The following EGF variants were observed in gnomAD, a reference collection of about 807,000 sequenced individuals.
EGF encodes epidermal growth factor.
Under a neutral mutation model 143.8 loss-of-function variants are expected in EGF, and 95 were observed. The observed-to-expected ratio is 0.66, with a 90% CI of 0.56 to 0.78. The LOEUF (loss-of-function observed/expected upper bound fraction) is 0.78, where lower values mean the gene tolerates loss of function less well. Ranked by LOEUF, EGF falls within the 30% of genes least tolerant of loss-of-function variation. The probability of loss-of-function intolerance (pLI) is 0.00; values close to 1 mark genes in which losing one functional copy is unlikely to be tolerated. For synonymous variants in EGF, 510 were observed against 510.5 expected (o/e 1.00, Z 0.01); for missense variants, 1,320 against 1,470.9 (o/e 0.90, Z 1.68).
intron 1 of EGF, among the ~76,000 whole-genome samples, chr4:109,930,313 A>G (rs772049668): frequency 6.6e-6 from 1 of 151,966 alleles, no homozygotes. Flanking sequence ...ACTTCATAAA[A>G]CCCAAGCTGT....
intron 1 of EGF, among the ~76,000 whole-genome samples, chr4:109,913,721 A>G (rs1315308859): frequency 6.6e-6 from 1 of 152,238 alleles, no homozygotes; most frequent in Non-Finnish European, 1.5e-5. Context: ...AACTAGCAGA[A>G]CATTTCATGG....
intron 4 of EGF, among the ~76,000 whole-genome samples, chr4:109,944,780 A>G (rs1238746244): frequency 6.6e-6 from 1 of 152,234 alleles, no homozygotes; most frequent in Non-Finnish European, 1.5e-5. Flanking sequence ...TGATGTCACT[A>G]GAAACCCACT....
chr4:109,924,194 G>A (rs1738256564), intron 1 of EGF, among the ~76,000 whole-genome samples: 5 of 151,622 alleles, frequency 3.3e-5, no homozygotes. Context: ...CTAGACAGAT[G>A]AAGTAGCTTC....
At chr4:110,005,036 C>CTTTTTTTTTTTTTTTTTTTTTTTTTTTTT (rs538062029) in intron 22 of EGF, among the ~76,000 whole-genome samples, 3 of 80,742 alleles carry the variant, frequency 3.7e-5, no homozygotes, top group Admixed American at 1.7e-4. Flanking sequence ...TTTTCTCTGT[C>CTTTTTTTTTTTTTTTTTTTTTTTTTTTTT]TTTTTTTTTT....
At chr4:109,988,537 T>C (rs1400113729) in intron 17 of EGF, 47 bp from the exon 18 acceptor site, 60 of 1,613,038 alleles carry the variant, frequency 3.7e-5, no homozygotes, top group Middle Eastern at 1.6e-4. Context: ...GTCCCATTTA[T>C]ATCAGGATTG....
chr4:109,927,341 A>G (rs1738852005), intron 1 of EGF, among the ~76,000 whole-genome samples: 1 of 152,212 alleles, frequency 6.6e-6, no homozygotes, highest in Non-Finnish European at 1.5e-5. Context: ...GTAAATGCAA[A>G]CTAATCAGAA....
chr4:109,926,582 C>A (rs566208204), intron 1 of EGF, among the ~76,000 whole-genome samples: 21 of 152,228 alleles, frequency 1.4e-4, no homozygotes, highest in African/African-American at 5.1e-4. Context: ...TGGTCTCGAT[C>A]TCCTGACCTC....
intron 5 of EGF, 169 bp from the exon 6 acceptor site, chr4:109,959,143 G>T (rs1363043080): frequency 1.9e-5 from 18 of 969,872 alleles, no homozygotes; most frequent in Non-Finnish European, 2.7e-5. Flanking sequence ...GGAGAAAAAA[G>T]TGGGCTTCGG....
chr4:110,009,838 A>G (rs957721727), intron 23 of EGF, among the ~76,000 whole-genome samples: 15 of 152,186 alleles, frequency 9.9e-5, no homozygotes, highest in African/African-American at 3.6e-4. Context: ...CCATAAAACC[A>G]TCTTCACTGA....
Position 109,976,062 on chromosome 4 carries a change from C to G in EGF, c.1880C>G (p.Ser627Cys), listed in dbSNP as rs1748445726. ...ATTAATCCACGAATTGAAAGTTCTT[C>G]CCTCCAAGGCCTTGGCCGTCTGGTT... The part of the protein sequence containing the change: ...TGINPRIESS[S>C]LQGLGRLVIA... Residue 627 changes from serine (S) to cysteine (C), a missense_variant, in exon 13 of 24, where the codon TCC becomes TGC. Ser to Cys is a moderately radical substitution (Grantham distance 112, BLOSUM62 -1). This residue lies in a region of EGF where 1,186 missense variants were observed against 1,313.7 expected (regional missense o/e 0.90). Coordinates refer to ENST00000265171, the MANE Select transcript of EGF (RefSeq NM_001963.6). 1 of 1,614,010 alleles carries G rather than the reference C, an allele frequency of 6.2e-7. No individual in the cohort carries two copies. The highest frequency in any genetic ancestry group is 8.5e-7 in the Non-Finnish European group (1 of 1,179,876).
chr4:109,941,153 A>G lies in EGF; in HGVS notation c.327+8A>G, dbSNP rs781769211. 1.2e-6 allele frequency: 2 copies of G among 1,612,790 alleles called. No individual in the cohort carries two copies. Among genetic ancestry groups the G allele is most frequent in the South Asian group, 1.1e-5 (1 of 91,016 alleles). On this transcript the variant is annotated splice_region_variant and intron_variant, in intron 2 of 23. Transcript: ENST00000265171. ...AATGGGTCAAGGCAAGAGGTAAAATACCCTTACCTACAGTGTTTGAGCTGT... is the reference window on the plus strand; with the variant it reads ...AATGGGTCAAGGCAAGAGGTAAAATGCCCTTACCTACAGTGTTTGAGCTGT...
At chr4:109,971,728 A>G (rs972617545) in intron 11 of EGF, among the ~76,000 whole-genome samples, 1 of 152,142 alleles carries the variant, frequency 6.6e-6, no homozygotes, top group African/African-American at 2.4e-5. Flanking sequence ...TGGTTTGGAA[A>G]CCTTGATATT....
intron 1 of EGF, among the ~76,000 whole-genome samples, chr4:109,924,938 T>C (rs1288128379): frequency 6.6e-6 from 1 of 152,234 alleles, no homozygotes; most frequent in Non-Finnish European, 1.5e-5. Context: ...CCTGGGAAGA[T>C]GTTAGCTAGT....
intron 1 of EGF, among the ~76,000 whole-genome samples, chr4:109,933,702 T>C (rs1740233029): frequency 6.6e-6 from 1 of 152,220 alleles, no homozygotes; most frequent in Admixed American, 6.5e-5. Context: ...GATAGTTTGC[T>C]GAGAATGATG....
chr4:109,988,082 A>T (rs1437391537), intron 17 of EGF, among the ~76,000 whole-genome samples: 1 of 152,210 alleles, frequency 6.6e-6, no homozygotes, highest in Non-Finnish European at 1.5e-5. Context: ...ATTTATGGTT[A>T]CACAATATAT....
chr4:109,984,270 CA>C (rs1749808803), intron 16 of EGF, among the ~76,000 whole-genome samples: 1 of 150,766 alleles, frequency 6.6e-6, no homozygotes, highest in Admixed American at 6.6e-5. Context: ...GAAAATATTT[CA>C]AAACTCCACA....
chr4:109,959,269 T>TA lies in EGF; in HGVS notation c.941-43_941-42insA, dbSNP rs1560691254. 5 of 1,612,894 alleles carry TA rather than the reference T, an allele frequency of 3.1e-6. No homozygotes were observed. The South Asian group carries it at 5.5e-5, about 18-fold the overall frequency. ...GGAAAAGATTTAGCAGTGTCCTCTG[T>TA]CAAAACACGGCCCCACTCCAAATAA... On this transcript the variant is annotated intron_variant, in intron 5 of 23. Transcript: ENST00000265171.
chr4:110,006,167 ATT>A (rs1753260825), intron 22 of EGF, among the ~76,000 whole-genome samples: 6 of 143,806 alleles, frequency 4.2e-5, no homozygotes, highest in African/African-American at 1.7e-4. Flanking sequence ...GCAAGATCAT[ATT>A]TCTTTAAAAA....
rs555534240 is a variant in EGF, at chr4:109,922,579, G to C, written c.127+9117G>C. On this transcript the variant is annotated intron_variant, in intron 1 of 23. Coordinates refer to ENST00000265171, the MANE Select transcript of EGF (RefSeq NM_001963.6). ...ATACATTTTAAGCAGAGTGAATTCT[G>C]GTTGGTTCTTTATACAGTGGGTTGA... 4.6e-5 allele frequency among the ~76,000 whole-genome samples: 7 copies of C among 151,788 alleles called. No individual in the cohort carries two copies. The East Asian group carries it at 1.3e-3, about 29-fold the overall frequency.
Sources: gnomAD v4.1 joint callset for allele counts (sites outside exome capture counted in the v4.1 genomes callset) on GRCh38, gnomAD v4.1.1 for gene constraint, gnomAD v4.1.1 regional missense constraint, MANE v1.5 for transcripts, NCBI Gene and HGNC (gene_info 2026-07-23, HGNC 2026-07-21) for gene names.